SOAT1: variants seen among roughly 807,000 people sequenced by gnomAD.
The protein encoded by SOAT1 is acyl-coenzyme A:cholesterol acyltransferase 1.
In SOAT1, 55 loss-of-function variants were observed where a neutral mutation model predicts 69.5. The observed-to-expected ratio is 0.79, with a 90% confidence interval of 0.64 to 0.99. SOAT1 has a LOEUF of 0.99. SOAT1 is among the 50% of genes least tolerant of loss of function. The probability of loss-of-function intolerance (pLI) is 0.00; values close to 1 mark genes in which losing one functional copy is unlikely to be tolerated. For missense variants in SOAT1, 580 were observed against 669.3 expected, an observed-to-expected ratio of 0.87 and a Z score of 1.47; for synonymous variants, 231 against 224.7, an observed-to-expected ratio of 1.03 and a Z score of -0.25.
At chr1:179,335,738 T>C in intron 4 of SOAT1, 81 bp downstream of exon 4, 3 of 1,354,668 alleles carry the variant, frequency 2.2e-6, no homozygotes, top group Non-Finnish European at 3.0e-6. Context: ...GCAAATATGC[T>C]TGAGTTCACA....
chr1:179,330,017 G>A (rs1490990596), intron 3 of SOAT1, among the ~76,000 whole-genome samples: 1 of 152,128 alleles, frequency 6.6e-6, no homozygotes, highest in Non-Finnish European at 1.5e-5. Context: ...TTGCCCGTTG[G>A]GTTCTTCTTA....
intron 1 of SOAT1, among the ~76,000 whole-genome samples, chr1:179,295,201 A>G (rs969777328): frequency 3.3e-5 from 5 of 152,174 alleles, no homozygotes; most frequent in African/African-American, 1.2e-4. Flanking sequence ...TTCCAGGTTC[A>G]TGCCACACTG....
At chr1:179,348,574 C>T (rs191651949) in intron 12 of SOAT1, among the ~76,000 whole-genome samples, 155 of 152,064 alleles carry the variant, frequency 1.0e-3, no homozygotes, top group Non-Finnish European at 3.7e-4. Flanking sequence ...CTATGTGTTC[C>T]GTATGAACCT....
intron 3 of SOAT1, among the ~76,000 whole-genome samples, chr1:179,327,042 A>G (rs1165897921): frequency 1.3e-5 from 2 of 152,246 alleles, no homozygotes; most frequent in Non-Finnish European, 1.5e-5. Flanking sequence ...GTCCTCTTAC[A>G]GGCTAAGCTT....
At chr1:179,341,395 T>A in intron 7 of SOAT1, 85 bp downstream of exon 7, 1 of 1,325,300 alleles carries the variant, frequency 7.5e-7, no homozygotes, top group Non-Finnish European at 1.0e-6. Context: ...CTATTATTTT[T>A]AGCTGTATTA....
intron 3 of SOAT1, among the ~76,000 whole-genome samples, chr1:179,329,630 A>G (rs1379391340): frequency 1.3e-5 from 2 of 150,130 alleles, no homozygotes; most frequent in African/African-American, 2.5e-5. Context: ...CAGGAGAATC[A>G]TTTGAACCCA....
intron 2 of SOAT1, among the ~76,000 whole-genome samples, chr1:179,317,897 C>G (rs532356224): frequency 1.3e-5 from 2 of 152,152 alleles, no homozygotes; most frequent in South Asian, 2.1e-4. Flanking sequence ...AAAATTAACT[C>G]TACCCTGGGC....
At chr1:179,317,229 G>A (rs1345876543) in intron 2 of SOAT1, among the ~76,000 whole-genome samples, 1 of 152,058 alleles carries the variant, frequency 6.6e-6, no homozygotes, top group African/African-American at 2.4e-5. Context: ...AATTGTCAAT[G>A]CTGAAATAAA....
At chr1:179,338,358 C>T (rs1666226876) in intron 5 of SOAT1, among the ~76,000 whole-genome samples, 2 of 152,262 alleles carry the variant, frequency 1.3e-5, no homozygotes, top group Middle Eastern at 3.4e-3. Context: ...CCCTGCACTC[C>T]AGCCTGAGCA....
chr1:179,309,273 G>A (rs890448786), intron 2 of SOAT1, among the ~76,000 whole-genome samples: 2 of 152,044 alleles, frequency 1.3e-5, no homozygotes, highest in African/African-American at 4.8e-5. Flanking sequence ...TAGTAGAGAT[G>A]GGGTTTCACC....
rs1263651987 is a variant in SOAT1 at position 179,298,130 on chromosome 1, A to T, written c.-9+4194A>T. On this transcript the variant is annotated intron_variant, in intron 1 of 15. Transcript: ENST00000367619. Reference sequence around the variant, plus strand: ...TTAAGTTGTGAAGTGACTTGATCTAACTTGAGTGCAATGGTGTGATTGAGG... The same window carrying T: ...TTAAGTTGTGAAGTGACTTGATCTATCTTGAGTGCAATGGTGTGATTGAGG... 3.9e-5 allele frequency among the ~76,000 whole-genome samples: 6 copies of T among 151,982 alleles called. No individual in the cohort carries two copies. In the East Asian group the frequency reaches 1.2e-3, roughly 30 times the overall value.
chr1:179,347,556 G>T, intron 11 of SOAT1, 44 bp from the exon 12 acceptor site: 2 of 1,109,934 alleles, frequency 1.8e-6, no homozygotes, highest in South Asian at 2.6e-5. Flanking sequence ...CTTGGTATGT[G>T]AGCTATTTGG....
At chr1:179,298,273 C>T (rs1049271394) in intron 1 of SOAT1, among the ~76,000 whole-genome samples, 11 of 151,420 alleles carry the variant, frequency 7.3e-5, no homozygotes, top group Admixed American at 1.3e-4. Flanking sequence ...TTAGTAGAGA[C>T]GAGGTTTCAC....
chr1:179,344,761 T>C (rs1666466777), intron 10 of SOAT1, among the ~76,000 whole-genome samples, 186 bp from the exon 11 acceptor site: 1 of 152,168 alleles, frequency 6.6e-6, no homozygotes, highest in South Asian at 2.1e-4. Flanking sequence ...GGAAAAGTGA[T>C]GGTAGAAACT....
intron 10 of SOAT1, among the ~76,000 whole-genome samples, chr1:179,344,560 A>G (rs1218463636): frequency 6.6e-6 from 1 of 151,914 alleles, no homozygotes; most frequent in Non-Finnish European, 1.5e-5. Context: ...TTTTTAGTAC[A>G]GATGGGGTTT....
intron 11 of SOAT1, 61 bp downstream of exon 11, chr1:179,345,137 T>C: frequency 6.4e-7 from 1 of 1,565,920 alleles, no homozygotes; most frequent in Non-Finnish European, 8.8e-7. Context: ...AGAAAGCTAT[T>C]GCCTATGAGC....
intron 5 of SOAT1, 61 bp downstream of exon 5, chr1:179,337,957 C>G: frequency 2.5e-6 from 3 of 1,223,498 alleles, no homozygotes; most frequent in Non-Finnish European, 3.5e-6. Flanking sequence ...CTGATAGAAT[C>G]ATTGCTTAGT....
chr1:179,345,813 G>T (rs751183478), intron 11 of SOAT1, among the ~76,000 whole-genome samples: 2 of 152,112 alleles, frequency 1.3e-5, no homozygotes, highest in East Asian at 3.9e-4. Context: ...GCCTCTCAAA[G>T]TGCTGGGGTT....
At chr1:179,304,685 G>T (rs550306716) in intron 2 of SOAT1, among the ~76,000 whole-genome samples, 2 of 151,032 alleles carry the variant, frequency 1.3e-5, no homozygotes, top group Non-Finnish European at 2.9e-5. Flanking sequence ...AGATAGTCTC[G>T]CTTTGTCACC....
Sources: allele counts gnomAD v4.1 joint callset (sites outside exome capture counted in the v4.1 genomes callset), GRCh38; gene constraint gnomAD v4.1.1; transcripts MANE v1.5; gene names NCBI Gene and HGNC (gene_info 2026-07-23, HGNC 2026-07-21).